ZFR: variants seen among roughly 807,000 people sequenced by gnomAD.
ZFR encodes the protein zinc finger RNA binding protein.
Under a neutral mutation model 130.7 loss-of-function variants are expected in ZFR, and 19 were observed. The observed-to-expected ratio is 0.15, with a 90% confidence interval of 0.10 to 0.21. The LOEUF (loss-of-function observed/expected upper bound fraction) is 0.21. Among genes scored for constraint, ZFR ranks in the 10% least tolerant of loss-of-function variants. The pLI is 1.00. For synonymous variants in ZFR, 466 were observed against 456.9 expected (o/e 1.02, Z -0.25); for missense variants, 872 against 1,321.5 (o/e 0.66, Z 5.27).
Position 32,388,452 on chromosome 5 carries a change from T to G in ZFR, c.2348+17A>C, listed in dbSNP as rs750660365. ...AAAAACCAAAATTACACATGGTAAA[T>G]AACTTTCAAAACACACCTGTCTTTA... On this transcript the variant is annotated intron_variant, in intron 13 of 19. Transcript: ENST00000265069. 1 of 1,610,254 alleles carries G rather than the reference T, an allele frequency of 6.2e-7. No individual in the cohort carries two copies. Among genetic ancestry groups the G allele is most frequent in the South Asian group, 1.1e-5 (1 of 90,472 alleles).
In ZFR at chr5:32,406,879, A is replaced by G. The variant is rs780413110; in HGVS notation, c.927T>C (p.Thr309=). 41 of 1,613,864 alleles carry G rather than the reference A, an allele frequency of 2.5e-5. No homozygotes were observed. Among genetic ancestry groups the G allele is most frequent in the Non-Finnish European group, 2.5e-6 (3 of 1,179,968 alleles). ...GTTTATTTTGGAATGGTGCTTTTTT[A>G]GTAAAGGTGGTCCCTGTCCAGGCAG... The part of the protein sequence containing the change: ...ATAAWTGTTF[T]KKAPFQNKQL... The change falls in exon 6 of 20, where the codon ACT becomes ACC. Residue 309 remains threonine (T), a synonymous_variant. Coordinates refer to ENST00000265069, the MANE Select transcript of ZFR (RefSeq NM_016107.5).
At chr5:32,408,580 T>C (rs1445609143) in intron 5 of ZFR, among the ~76,000 whole-genome samples, 1 of 152,342 alleles carries the variant, frequency 6.6e-6, no homozygotes, top group Admixed American at 6.5e-5. Context: ...GGCATTTCTC[T>C]ACAGTAAAAT....
intron 5 of ZFR, among the ~76,000 whole-genome samples, chr5:32,411,333 A>G: frequency 6.6e-6 from 1 of 152,224 alleles, no homozygotes; most frequent in Non-Finnish European, 1.5e-5. Flanking sequence ...GTAACAGATT[A>G]TAATATAGTC....
intron 2 of ZFR, among the ~76,000 whole-genome samples, chr5:32,435,869 C>G (rs1754320437): frequency 6.6e-6 from 1 of 152,200 alleles, no homozygotes; most frequent in African/African-American, 2.4e-5. Context: ...TATGTGAACA[C>G]TAGACTACAA....
intron 2 of ZFR, among the ~76,000 whole-genome samples, chr5:32,431,775 A>C (rs1581716132): frequency 6.6e-6 from 1 of 151,964 alleles, no homozygotes; most frequent in South Asian, 2.1e-4. Flanking sequence ...ATTGAAAAAA[A>C]AAAAAAAAAG....
At chr5:32,407,604 G>A (rs988202833) in intron 5 of ZFR, among the ~76,000 whole-genome samples, 1 of 151,968 alleles carries the variant, frequency 6.6e-6, no homozygotes, top group African/African-American at 2.4e-5. Flanking sequence ...GGGGAGGCAA[G>A]GTAAATAAAG....
chr5:32,368,220 T>C (rs548104651), intron 17 of ZFR, among the ~76,000 whole-genome samples: 53 of 130,362 alleles, frequency 4.1e-4, no homozygotes, highest in African/African-American at 1.4e-3. Context: ...AAAGCACAAA[T>C]GGCAAACTGC....
Position 32,380,147 on chromosome 5 carries a change from G to A in ZFR, c.2667C>T (p.Asp889=). ...TTTGCCTGTCCAAGACGTCCGGTGG[G>A]TCTTTCACCATACCCGAGGTTACAT... ...EGDVTSGMVK[D]PPDVLDRQKC... The change falls in exon 16 of 20, where the codon GAC becomes GAT. Residue 889 remains aspartate, a synonymous_variant. Transcript: ENST00000265069. 1 of 1,614,060 alleles carries A rather than the reference G, an allele frequency of 6.2e-7. No homozygotes were observed. Among genetic ancestry groups the A allele is most frequent in the African/African-American group, 1.3e-5 (1 of 75,046 alleles).
At chr5:32,367,460 T>C (rs903070674) in intron 17 of ZFR, among the ~76,000 whole-genome samples, 2 of 54,980 alleles carry the variant, frequency 3.6e-5, no homozygotes, top group Non-Finnish European at 6.8e-5. Context: ...AATAAATAAA[T>C]AAAGTAAATA....
intron 2 of ZFR, among the ~76,000 whole-genome samples, chr5:32,436,719 C>T (rs1754344300): frequency 6.6e-6 from 1 of 152,144 alleles, no homozygotes; most frequent in South Asian, 2.1e-4. Context: ...TAAAATCCTC[C>T]AGCCTAGGCC....
At chr5:32,376,462 T>C (rs549799384) in intron 17 of ZFR, among the ~76,000 whole-genome samples, 9 of 150,234 alleles carry the variant, frequency 6.0e-5, no homozygotes, top group Non-Finnish European at 1.3e-4. Context: ...TTGGCCAATA[T>C]GGTGAAACCC....
chr5:32,387,492 C>T (rs1020313570), intron 14 of ZFR, 57 bp downstream of exon 14: 15 of 1,588,706 alleles, frequency 9.4e-6, no homozygotes, highest in East Asian at 9.1e-5. Flanking sequence ...CAGTCAGTCC[C>T]GCCAAAAACT....
chr5:32,442,106 C>T (rs908607023), intron 2 of ZFR, among the ~76,000 whole-genome samples: 14 of 152,136 alleles, frequency 9.2e-5, no homozygotes, highest in African/African-American at 3.1e-4. Context: ...TTAGGAAAAA[C>T]ATTTCAGAAG....
At chr5:32,430,071 C>A (rs1454874457) in intron 2 of ZFR, among the ~76,000 whole-genome samples, 1 of 103,570 alleles carries the variant, frequency 9.7e-6, no homozygotes, top group Non-Finnish European at 1.9e-5. Flanking sequence ...CAGAGTGAGA[C>A]CCTATTTCAA....
At position 32,444,691 on chromosome 5, in the gene ZFR, C is replaced by A; in HGVS notation, c.-33G>T. On this transcript the variant is annotated 5_prime_UTR_variant, in exon 1 of 20. Coordinates refer to ENST00000265069, the MANE Select transcript of ZFR (RefSeq NM_016107.5). ...GGCTGCTGCTGCTGAACTCTGAACTCTCACCCGCTGCCTCCCTCCTCTGCC... is the reference window on the plus strand; with the variant it reads ...GGCTGCTGCTGCTGAACTCTGAACTATCACCCGCTGCCTCCCTCCTCTGCC... 6.6e-7 allele frequency: 1 copy of A among 1,503,786 alleles called. No homozygotes were observed. Among genetic ancestry groups the A allele is most frequent in the Non-Finnish European group, 8.9e-7 (1 of 1,126,238 alleles). 93.2% of individuals were successfully genotyped at this position (1,503,786 alleles called of 1,614,324 possible). A position where few individuals can be genotyped will look rare whatever the true frequency, so the allele number is the denominator to read the frequency against.
At chr5:32,417,903 A>C in intron 3 of ZFR, 111 bp from the exon 4 acceptor site, 1 of 938,690 alleles carries the variant, frequency 1.1e-6, no homozygotes, top group Non-Finnish European at 1.6e-6. Context: ...ACGTAGTTTC[A>C]TGACAGACCT....
intron 17 of ZFR, among the ~76,000 whole-genome samples, chr5:32,368,467 C>T (rs1260677597): frequency 6.6e-6 from 1 of 152,156 alleles, no homozygotes; most frequent in African/African-American, 2.4e-5. Context: ...AACTCTTGAC[C>T]TCAGGTAATC....
chr5:32,431,920 A>T (rs1450272352), intron 2 of ZFR, among the ~76,000 whole-genome samples: 1 of 151,810 alleles, frequency 6.6e-6, no homozygotes, highest in Non-Finnish European at 1.5e-5. Context: ...TGCAGACTAG[A>T]CTCAGATGAT....
At position 32,406,967 on chromosome 5, in the gene ZFR, T is replaced by C. The variant is rs1224017475; in HGVS notation, c.839A>G (p.Tyr280Cys). The change falls in exon 6 of 20, where the codon TAT becomes TGT. Residue 280 changes from tyrosine (Y) to cysteine (C), a missense_variant. By Grantham distance (194) the Tyr-to-Cys change is radical (BLOSUM62 -2). Coordinates refer to ENST00000265069, the MANE Select transcript of ZFR (RefSeq NM_016107.5). Reference sequence around the variant, plus strand: ...CTTCTGTTGCTGCTGCTGCTGTTGATAGTAGGAAGATGCAGCTGAATACAC... The same window carrying C: ...CTTCTGTTGCTGCTGCTGCTGTTGACAGTAGGAAGATGCAGCTGAATACAC... The part of the protein sequence containing the change: ...AAVYSAASSY[Y>C]QQQQQQQKQA... 1 of 1,588,972 alleles carries C rather than the reference T, an allele frequency of 6.3e-7. No individual in the cohort carries two copies. The highest frequency in any genetic ancestry group is 8.5e-7 in the Non-Finnish European group (1 of 1,173,290).
Sources: gnomAD v4.1 joint callset for allele counts (sites outside exome capture counted in the v4.1 genomes callset) on GRCh38, gnomAD v4.1.1 for gene constraint, MANE v1.5 for transcripts, NCBI Gene and HGNC (gene_info 2026-07-23, HGNC 2026-07-21) for gene names.